The following HADHB variants were observed in gnomAD, a reference collection of about 807,000 sequenced individuals.
HADHB encodes hydroxyacyl-CoA dehydrogenase trifunctional multienzyme complex subunit beta.
HADHB carries 50 observed loss-of-function variants against 61.9 expected under a neutral mutation model. The ratio of observed to expected loss-of-function variants is 0.81; its 90% CI spans 0.64 to 1.02. HADHB has a LOEUF of 1.02. Among genes scored for constraint, HADHB ranks in the 50% least tolerant of loss-of-function variants. The pLI is 0.00. For missense variants in HADHB, 504 were observed against 586.5 expected (o/e 0.86, Z 1.45); for synonymous variants, 191 against 201.6 (o/e 0.95, Z 0.45).
chr2:26,250,160 A>C (rs1213614763), intron 1 of HADHB, among the ~76,000 whole-genome samples: 1 of 152,070 alleles, frequency 6.6e-6, no homozygotes, highest in Non-Finnish European at 1.5e-5. Context: ...ATGTGCCACC[A>C]GGCCTGGCTA....
At chr2:26,272,470 C>T (rs546100951) in intron 5 of HADHB, among the ~76,000 whole-genome samples, 11 of 151,866 alleles carry the variant, frequency 7.2e-5, no homozygotes, top group Admixed American at 2.0e-4. Flanking sequence ...CTCAGCCTTC[C>T]GAGTAGCTGG....
intron 3 of HADHB, among the ~76,000 whole-genome samples, chr2:26,259,571 G>A (rs1326368371): frequency 6.6e-6 from 1 of 152,080 alleles, no homozygotes; most frequent in Non-Finnish European, 1.5e-5. Flanking sequence ...CTCCCCCAGG[G>A]CTCTGCAGAA....
intron 13 of HADHB, among the ~76,000 whole-genome samples, 153 bp downstream of exon 13, chr2:26,284,357 C>G (rs1014817689): frequency 6.6e-6 from 1 of 151,800 alleles, no homozygotes; most frequent in Non-Finnish European, 1.5e-5. Flanking sequence ...GGGAGGGGCC[C>G]GAGGGGAGGG....
At chr2:26,254,754 A>G (rs1040537684) in intron 3 of HADHB, 2 of 403,378 alleles carry the variant, frequency 5.0e-6, no homozygotes, top group African/African-American at 2.0e-5. Context: ...TGGTCAGTTT[A>G]TTTATCCTCT....
intron 15 of HADHB, among the ~76,000 whole-genome samples, chr2:26,286,290 C>G (rs952352250): frequency 2.6e-5 from 4 of 152,104 alleles, no homozygotes; most frequent in Non-Finnish European, 5.9e-5. Flanking sequence ...TATAAAATCT[C>G]TCCAAGAGAG....
chr2:26,283,247 G>A lies in HADHB; in HGVS notation c.1061+196G>A, dbSNP rs181581223. Among the ~76,000 whole-genome samples, 1,753 of 152,036 alleles carry A rather than the reference G, an allele frequency of 0.012. 20 individuals carry two copies. The highest frequency in any genetic ancestry group is 0.013 in the Non-Finnish European group (913 of 67,990). ...TAAAAAAAATAATAGTAATCTGGCC[G>A]GGCACGGTGGCTCACGCCTGTAATC... is the stretch of plus-strand genomic sequence containing the variant. On this transcript the variant is annotated intron_variant, in intron 12 of 15. Coordinates refer to ENST00000317799, the MANE Select transcript of HADHB (RefSeq NM_000183.3).
At position 26,290,182 on chromosome 2, in the gene HADHB, AT is replaced by A. The variant is rs1673212596; in HGVS notation, c.*230del. On this transcript the variant is annotated 3_prime_UTR_variant, in exon 16 of 16. Transcript: ENST00000317799. ...CTAAGCCACCAGAATCTCACATGAGATGTGTGGGTGGTTGTTTTTGGTCTCT... is the reference window on the plus strand; with the variant it reads ...CTAAGCCACCAGAATCTCACATGAGAGTGTGGGTGGTTGTTTTTGGTCTCT... The A allele has an allele frequency of 1.7e-6, 1 of 573,392 alleles. No individual in the cohort carries two copies. Among genetic ancestry groups the A allele is most frequent in the East Asian group, 3.0e-5 (1 of 33,516 alleles). The allele number at this position is 573,392 out of a possible 1,614,324, so 35.5% of individuals were successfully genotyped here.
At chr2:26,247,606 A>C (rs985871260) in intron 1 of HADHB, among the ~76,000 whole-genome samples, 1 of 152,242 alleles carries the variant, frequency 6.6e-6, no homozygotes, top group African/African-American at 2.4e-5. Flanking sequence ...CCTCAGATTC[A>C]ACCAATGTCT....
chr2:26,281,498 C>T (rs1558358867), intron 10 of HADHB, among the ~76,000 whole-genome samples: 2 of 152,104 alleles, frequency 1.3e-5, no homozygotes, highest in Admixed American at 6.5e-5. Flanking sequence ...TTTGCAAAAC[C>T]GAATTGGATG....
chr2:26,249,271 C>T (rs985703419), intron 1 of HADHB, among the ~76,000 whole-genome samples: 4 of 151,564 alleles, frequency 2.6e-5, no homozygotes, highest in Non-Finnish European at 5.9e-5. Context: ...TGGTGGCTCA[C>T]GCCTGTAATC....
In HADHB at chr2:26,278,670, T is replaced by C; in HGVS notation, c.499T>C (p.Leu167=). The C allele has an allele frequency of 3.7e-6, 6 of 1,614,138 alleles. No homozygotes were observed. The highest frequency in any genetic ancestry group is 5.1e-6 in the Non-Finnish European group (6 of 1,180,002). ...TGTGATCGTGGCAGGTGGTGTTGAGTTGATGTCCGATGTCCCTATTCGTCA... is the reference window on the plus strand; with the variant it reads ...TGTGATCGTGGCAGGTGGTGTTGAGCTGATGTCCGATGTCCCTATTCGTCA... ...CDVIVAGGVE[L]MSDVPIRHSR... is the part of the protein sequence containing the mutation. Residue 167 remains leucine (L), a synonymous_variant, in exon 8 of 16, where the codon TTG becomes CTG. Transcript: ENST00000317799.
chr2:26,245,278 GT>G, intron 1 of HADHB: 1 of 165,864 alleles, frequency 6.0e-6, no homozygotes, highest in Non-Finnish European at 1.3e-5. Context: ...GTGTGTGTGT[GT>G]GGGTGTGTGT....
At chr2:26,274,394 A>G (rs534136445) in intron 6 of HADHB, among the ~76,000 whole-genome samples, 1 of 152,356 alleles carries the variant, frequency 6.6e-6, no homozygotes, top group African/African-American at 2.4e-5. Flanking sequence ...TGGCACCAAA[A>G]GCACATTTCA....
intron 5 of HADHB, among the ~76,000 whole-genome samples, chr2:26,271,056 C>CTTTT (rs540696704): frequency 2.9e-5 from 4 of 140,222 alleles, no homozygotes; most frequent in Non-Finnish European, 6.2e-5. Context: ...TTTTTTTTTT[C>CTTTT]TTTTTTTTTT....
At position 26,284,906 on chromosome 2, in the gene HADHB, A is replaced by G. The variant is rs1672960086; in HGVS notation, c.1173A>G (p.Lys391=). 6.3e-7 allele frequency: 1 copy of G among 1,595,910 alleles called. No individual in the cohort carries two copies. The highest frequency in any genetic ancestry group is 1.7e-4 in the Middle Eastern group (1 of 6,028). ...AFSGQILANF[K]AMDSDWFAEN... ...AGGGTCAGATTTTGGCAAATTTTAA[A>G]GCCATGGATTCTGATTGGTTTGCAG... The change falls in exon 14 of 16, where the codon AAA becomes AAG. Residue 391 remains lysine (K), a synonymous_variant. Transcript: ENST00000317799.
intron 5 of HADHB, 49 bp downstream of exon 5, chr2:26,270,046 T>C: frequency 4.0e-6 from 5 of 1,248,548 alleles, no homozygotes; most frequent in Non-Finnish European, 5.9e-6. Context: ...AAAGGCACTT[T>C]CTCCAGTTTT....
intron 10 of HADHB, 136 bp downstream of exon 10, chr2:26,280,251 G>A: frequency 1.3e-6 from 1 of 768,752 alleles, no homozygotes; most frequent in Non-Finnish European, 2.2e-6. Context: ...ATGTGAAAGT[G>A]GAGTCATTAA....
chr2:26,268,380 A>G (rs1672188530), intron 4 of HADHB, among the ~76,000 whole-genome samples: 1 of 152,210 alleles, frequency 6.6e-6, no homozygotes, highest in Non-Finnish European at 1.5e-5. Flanking sequence ...TTCTCCCCTC[A>G]GAATGTGGGC....
At chr2:26,266,433 C>T (rs1672079008) in intron 4 of HADHB, among the ~76,000 whole-genome samples, 1 of 152,030 alleles carries the variant, frequency 6.6e-6, no homozygotes, top group Non-Finnish European at 1.5e-5. Context: ...TTTGCAGAAA[C>T]GTTGCTTTCA....
Sources: allele counts gnomAD v4.1 joint callset (sites outside exome capture counted in the v4.1 genomes callset), GRCh38; gene constraint gnomAD v4.1.1; transcripts MANE v1.5; gene names NCBI Gene and HGNC (gene_info 2026-07-23, HGNC 2026-07-21).